The following TMEM232 variants were observed in gnomAD, a reference collection of about 807,000 sequenced individuals.
TMEM232 encodes transmembrane protein 232.
A neutral mutation model predicts 78.8 loss-of-function variants in TMEM232; 80 were observed. The observed-to-expected ratio is 1.01, with a 90% CI of 0.85 to 1.22. The LOEUF (loss-of-function observed/expected upper bound fraction) is 1.22. Among genes scored for constraint, TMEM232 ranks in the 50% most tolerant of loss-of-function variants. The probability of loss-of-function intolerance (pLI) is 0.00; values close to 1 mark genes in which losing one functional copy is unlikely to be tolerated. For synonymous variants in TMEM232, 297 were observed against 254.3 expected, an observed-to-expected ratio of 1.17 and a Z score of -1.60; for missense variants, 881 against 742.2, an observed-to-expected ratio of 1.19 and a Z score of -2.17.
chr5:110,514,173 A>G (rs1768232587), intron 12 of TMEM232, among the ~76,000 whole-genome samples: 1 of 152,184 alleles, frequency 6.6e-6, no homozygotes, highest in Admixed American at 6.5e-5. Flanking sequence ...ACTATGTCTT[A>G]TCACCATACC....
intron 1 of TMEM232, among the ~76,000 whole-genome samples, chr5:110,674,685 T>G (rs987143929): frequency 2.0e-5 from 3 of 152,184 alleles, no homozygotes; most frequent in African/African-American, 7.2e-5. Context: ...CATAGTTAAT[T>G]GACAAAAAAG....
chr5:110,652,723 T>C (rs1342939193), intron 2 of TMEM232, among the ~76,000 whole-genome samples: 1 of 152,134 alleles, frequency 6.6e-6, no homozygotes, highest in Non-Finnish European at 1.5e-5. Flanking sequence ...ACTTATTTAG[T>C]GACATATATA....
At chr5:110,662,995 C>A (rs976442286) in intron 2 of TMEM232, among the ~76,000 whole-genome samples, 1 of 151,978 alleles carries the variant, frequency 6.6e-6, no homozygotes, top group East Asian at 1.9e-4. Flanking sequence ...TTAATAAGTT[C>A]TAGTCACTAA....
intron 12 of TMEM232, among the ~76,000 whole-genome samples, chr5:110,444,971 T>C (rs913115868): frequency 1.6e-4 from 25 of 152,056 alleles, no homozygotes; most frequent in African/African-American, 5.8e-4. Context: ...TTCTAAACCT[T>C]CTGCTGAATT....
At chr5:110,609,366 C>T (rs1027899686) in intron 8 of TMEM232, among the ~76,000 whole-genome samples, 3 of 151,452 alleles carry the variant, frequency 2.0e-5, no homozygotes, top group Non-Finnish European at 4.4e-5. Context: ...CCTTGTTTTC[C>T]CCAAAAAAAG....
chr5:110,628,619 A>G (rs1484644296), intron 5 of TMEM232, among the ~76,000 whole-genome samples: 1 of 151,744 alleles, frequency 6.6e-6, no homozygotes, highest in Non-Finnish European at 1.5e-5. Context: ...AAGTTTCTAA[A>G]TTGTGGAGAA....
chr5:110,486,404 C>G (rs561897003), intron 12 of TMEM232, among the ~76,000 whole-genome samples: 1 of 152,152 alleles, frequency 6.6e-6, no homozygotes, highest in South Asian at 2.1e-4. Flanking sequence ...AAGCCAATGT[C>G]TAGAAGGGTT....
chr5:110,673,439 A>G (rs1580611612), intron 1 of TMEM232, among the ~76,000 whole-genome samples: 1 of 152,114 alleles, frequency 6.6e-6, no homozygotes, highest in East Asian at 1.9e-4. Flanking sequence ...TGTACCCTAA[A>G]ACTTAAAGTA....
At chr5:110,461,693 GA>G (rs1190730902) in intron 12 of TMEM232, among the ~76,000 whole-genome samples, 1 of 152,164 alleles carries the variant, frequency 6.6e-6, no homozygotes, top group Non-Finnish European at 1.5e-5. Flanking sequence ...CATCTTAGGG[GA>G]TAATGCAGCC....
intron 7 of TMEM232, among the ~76,000 whole-genome samples, chr5:110,620,577 ATCTCTCTCTCTC>A (rs66736608): frequency 0.09 from 3,893 of 43,060 alleles, 229 homozygotes; most frequent in South Asian, 0.12. Context: ...TGTCTCTCAT[ATCTCTCTCTCTC>A]TCTCTCTCTC....
chr5:110,668,725 G>C (rs1353308103), intron 1 of TMEM232, among the ~76,000 whole-genome samples: 4 of 152,070 alleles, frequency 2.6e-5, no homozygotes, highest in African/African-American at 9.7e-5. Context: ...CACATAGTTG[G>C]AAGTAAAGCA....
chr5:110,647,153 T>G (rs1432757724), intron 2 of TMEM232, among the ~76,000 whole-genome samples: 1 of 151,902 alleles, frequency 6.6e-6, no homozygotes, highest in Admixed American at 6.6e-5. Context: ...CAAAAAAACT[T>G]GAAACTTTCT....
At chr5:110,702,751 C>G (rs112110319) in intron 1 of TMEM232, among the ~76,000 whole-genome samples, 17 of 152,120 alleles carry the variant, frequency 1.1e-4, no homozygotes, top group African/African-American at 4.1e-4. Context: ...AACGGGCAGG[C>G]TATGCCATTG....
rs192518103 is a variant in TMEM232, at chr5:110,606,033, T to C, written c.1026+131A>G. 865 of 814,536 alleles carry C rather than the reference T, an allele frequency of 1.1e-3. 2 individuals carry two copies. Among genetic ancestry groups the C allele is most frequent in the Middle Eastern group, 6.5e-3 (15 of 2,308 alleles). The allele number at this position is 814,536 out of a possible 1,614,324, so 50.5% of individuals were successfully genotyped here. On this transcript the variant is annotated intron_variant, in intron 9 of 13. Transcript: ENST00000455884. ...AATGGTAACTGTGAATTTGCTTTTA[T>C]ATTTAATTAAATTTATTATTATAAA...
intron 8 of TMEM232, among the ~76,000 whole-genome samples, chr5:110,616,513 T>C (rs924724184): frequency 6.6e-6 from 1 of 152,036 alleles, no homozygotes; most frequent in Admixed American, 6.6e-5. Context: ...CCATACATTT[T>C]TAACCCATAT....
intron 1 of TMEM232, among the ~76,000 whole-genome samples, chr5:110,715,477 C>T (rs1454513476): frequency 6.6e-6 from 1 of 152,128 alleles, no homozygotes; most frequent in Non-Finnish European, 1.5e-5. Context: ...CACTGAATGT[C>T]ACTGTAAATA....
At chr5:110,681,953 AG>A (rs1436531045) in intron 1 of TMEM232, among the ~76,000 whole-genome samples, 1 of 152,230 alleles carries the variant, frequency 6.6e-6, no homozygotes, top group African/African-American at 2.4e-5. Flanking sequence ...GATATTTCAT[AG>A]TCTTTAGTAA....
chr5:110,693,471 T>A (rs1794383154), intron 1 of TMEM232, among the ~76,000 whole-genome samples: 1 of 152,126 alleles, frequency 6.6e-6, no homozygotes, highest in South Asian at 2.1e-4. Context: ...TTTGACAAGT[T>A]GAGAGAAGAA....
At chr5:110,715,693 G>C (rs908022371) in intron 1 of TMEM232, among the ~76,000 whole-genome samples, 2 of 152,060 alleles carry the variant, frequency 1.3e-5, no homozygotes, top group Admixed American at 6.6e-5. Context: ...GGGCACTCCA[G>C]AGTTAACCTA....
Sources: allele counts gnomAD v4.1 joint callset (sites outside exome capture counted in the v4.1 genomes callset), GRCh38; gene constraint gnomAD v4.1.1; transcripts MANE v1.5; gene names NCBI Gene and HGNC (gene_info 2026-07-23, HGNC 2026-07-21).